The following AGK variants were observed in gnomAD, a reference collection of about 807,000 sequenced individuals.
AGK encodes the protein acylglycerol kinase, mitochondrial.
AGK carries 52 observed loss-of-function variants against 66.4 expected under a neutral mutation model. That is an observed-to-expected ratio of 0.78 (90% CI 0.63 to 0.99). AGK has a LOEUF of 0.99. AGK is among the 50% of genes least tolerant of loss of function. The probability of loss-of-function intolerance (pLI) is 0.00; values close to 1 mark genes in which losing one functional copy is unlikely to be tolerated. For synonymous variants in AGK, 182 were observed against 181.1 expected (o/e 1.00, Z -0.04); for missense variants, 451 against 506.6 (o/e 0.89, Z 1.05).
At chr7:141,579,713 A>C (rs1444553481) in intron 2 of AGK, among the ~76,000 whole-genome samples, 1 of 152,006 alleles carries the variant, frequency 6.6e-6, no homozygotes, top group Non-Finnish European at 1.5e-5. Context: ...ATGGAAAGGA[A>C]ATGAGAGGTT....
At chr7:141,638,482 T>G (rs1797221097) in intron 11 of AGK, among the ~76,000 whole-genome samples, 1 of 152,056 alleles carries the variant, frequency 6.6e-6, no homozygotes, top group South Asian at 2.1e-4. Flanking sequence ...AGCAGAGGCA[T>G]GAAATGAGCA....
In AGK at chr7:141,654,929, A is replaced by AAAAC. The variant is rs1479124632; in HGVS notation, c.*2007_*2010dup. The AAAAC allele has an allele frequency of 1.2e-3, 178 of 152,366 alleles. 1 individual carries two copies. Among genetic ancestry groups the AAAAC allele is most frequent in the African/African-American group, 4.1e-3 (170 of 41,584 alleles). The allele number at this position is 152,366 out of a possible 1,614,324, so 9.4% of individuals were successfully genotyped here. On this transcript the variant is annotated 3_prime_UTR_variant, in exon 16 of 16. Coordinates refer to ENST00000649286, the MANE Select transcript of AGK (RefSeq NM_018238.4). Reference sequence around the variant, plus strand: ...GGTGGTAAAATTTCTGCTTTTGGCAAAAACATAACAGACGGTTCCAAACAT... The same window carrying AAAAC: ...GGTGGTAAAATTTCTGCTTTTGGCAAAAACAAACATAACAGACGGTTCCAAACAT...
At chr7:141,580,328 C>T (rs2116895982) in intron 2 of AGK, among the ~76,000 whole-genome samples, 1 of 152,032 alleles carries the variant, frequency 6.6e-6, no homozygotes, top group Non-Finnish European at 1.5e-5. Flanking sequence ...CCTGCCTTTG[C>T]TGGTGAGTGG....
chr7:141,653,147 T>G lies in AGK; in HGVS notation c.*223T>G, dbSNP rs1256155793. 2 of 518,652 alleles carry G rather than the reference T, an allele frequency of 3.9e-6. No homozygotes were observed. The highest frequency in any genetic ancestry group is 6.3e-5 in the Admixed American group (2 of 31,678). 32.1% of individuals were successfully genotyped at this position (518,652 alleles called of 1,614,324 possible). On this transcript the variant is annotated 3_prime_UTR_variant, in exon 16 of 16. Transcript: ENST00000649286. Reference sequence around the variant, plus strand: ...GCATGTTTTATTTTGGTGTGACGGTTGGCCCTCCTAAACACGGACTTTCCT... The same window carrying G: ...GCATGTTTTATTTTGGTGTGACGGTGGGCCCTCCTAAACACGGACTTTCCT...
intron 2 of AGK, among the ~76,000 whole-genome samples, chr7:141,590,126 A>G (rs975701226): frequency 3.9e-5 from 6 of 152,168 alleles, no homozygotes; most frequent in African/African-American, 1.2e-4. Context: ...GAACTTAGGG[A>G]AAAAAATGAT....
intron 8 of AGK, chr7:141,615,992 C>G (rs950060694): frequency 6.3e-6 from 1 of 159,140 alleles, no homozygotes; most frequent in Non-Finnish European, 1.4e-5. Flanking sequence ...ATAGCTAAAA[C>G]AAGTAAATAT....
Position 141,641,845 on chromosome 7 carries a change from A to G in AGK, c.912A>G (p.Lys304=), listed in dbSNP as rs1346436489. The change falls in exon 13 of 16, where the codon AAA becomes AAG. Residue 304 remains lysine, a synonymous_variant. Coordinates refer to ENST00000649286, the MANE Select transcript of AGK (RefSeq NM_018238.4). ...AAGAGGTGAGCCCGGAGGTCTGGAA[A>G]GATGTGCAGCTGTCCACCATTGAAC... ...LSQEVSPEVW[K]DVQLSTIELS... is the part of the protein sequence containing the mutation. 6.3e-7 allele frequency: 1 copy of G among 1,586,590 alleles called. No individual in the cohort carries two copies. Among genetic ancestry groups the G allele is most frequent in the African/African-American group, 1.3e-5 (1 of 74,812 alleles).
chr7:141,636,949 T>A lies in AGK; in HGVS notation c.669-11T>A, dbSNP rs1797184932. On this transcript the variant is annotated splice_polypyrimidine_tract_variant and intron_variant, in intron 10 of 15. Transcript: ENST00000649286. ...TATTCTTATCAGATTTTTATCTTGG[T>A]CTTTTCACAGGTACTGGTATCTTGG... The A allele has an allele frequency of 6.2e-7, 1 of 1,610,136 alleles. No homozygotes were observed. Among genetic ancestry groups the A allele is most frequent in the East Asian group, 2.2e-5 (1 of 44,802 alleles).
chr7:141,556,550 A>C (rs1441549327), intron 2 of AGK, among the ~76,000 whole-genome samples: 1 of 151,886 alleles, frequency 6.6e-6, no homozygotes, highest in Non-Finnish European at 1.5e-5. Context: ...CAAAAAAAAA[A>C]AAAAAAATAA....
At chr7:141,609,843 A>G (rs141419074) in intron 5 of AGK, among the ~76,000 whole-genome samples, 8 of 152,354 alleles carry the variant, frequency 5.3e-5, no homozygotes, top group African/African-American at 1.9e-4. Flanking sequence ...GGGCCTTGCC[A>G]TGAATAACAA....
intron 2 of AGK, among the ~76,000 whole-genome samples, chr7:141,592,271 A>G (rs1310056677): frequency 6.6e-6 from 1 of 152,196 alleles, no homozygotes; most frequent in Non-Finnish European, 1.5e-5. Flanking sequence ...TTCCTTCTGG[A>G]GGCTCTAGGG....
rs1043612735 is a variant in AGK at position 141,654,303 on chromosome 7, C to T, written c.*1379C>T. On this transcript the variant is annotated 3_prime_UTR_variant, in exon 16 of 16. Transcript: ENST00000649286. ...TAATTAGTTCATTTATCCAAGAATA[C>T]ATGAATGTGATTTACAGCTGAGATG... The T allele has an allele frequency of 6.6e-6, 1 of 152,120 alleles. No homozygotes were observed. Among genetic ancestry groups the T allele is most frequent in the Admixed American group, 6.5e-5 (1 of 15,282 alleles). 9.4% of individuals were successfully genotyped at this position (152,120 alleles called of 1,614,324 possible). A position where few individuals can be genotyped will look rare whatever the true frequency, so the allele number is the denominator to read the frequency against.
Position 141,611,050 on chromosome 7 carries a change from A to AG in AGK, c.298-144dup, listed in dbSNP as rs977324742. The AG allele has an allele frequency of 7.5e-6, 4 of 530,088 alleles. No individual in the cohort carries two copies. In the African/African-American group the frequency reaches 7.8e-5, roughly 10 times the overall value. The allele number at this position is 530,088 out of a possible 1,614,324, so 32.8% of individuals were successfully genotyped here. A position where few individuals can be genotyped will look rare whatever the true frequency, so the allele number is the denominator to read the frequency against. On this transcript the variant is annotated intron_variant, in intron 5 of 15. Coordinates refer to ENST00000649286, the MANE Select transcript of AGK (RefSeq NM_018238.4). ...AACGACTATACATAATTGCTTTGAT[A>AG]GCTATTTTTTTCATGTCTATCAGTT...
intron 2 of AGK, among the ~76,000 whole-genome samples, chr7:141,577,538 CA>C: frequency 6.6e-6 from 1 of 151,988 alleles, no homozygotes; most frequent in Non-Finnish European, 1.5e-5. Flanking sequence ...ATTTATTGGG[CA>C]AAAAGGCAAA....
At chr7:141,569,009 A>G (rs1049850874) in intron 2 of AGK, among the ~76,000 whole-genome samples, 1 of 152,220 alleles carries the variant, frequency 6.6e-6, no homozygotes, top group Non-Finnish European at 1.5e-5. Context: ...TACTGTAGCA[A>G]TGGTCCTGGT....
At chr7:141,569,534 A>AAAAAT (rs1270517778) in intron 2 of AGK, among the ~76,000 whole-genome samples, 1 of 152,158 alleles carries the variant, frequency 6.6e-6, no homozygotes, top group Non-Finnish European at 1.5e-5. Context: ...ACTCTGTCTC[A>AAAAAT]AAAATAAAAT....
At chr7:141,594,588 CT>C (rs1796190817) in intron 3 of AGK, among the ~76,000 whole-genome samples, 1 of 152,164 alleles carries the variant, frequency 6.6e-6, no homozygotes, top group African/African-American at 2.4e-5. Flanking sequence ...TCTAAATTCT[CT>C]CTCCTCATAC....
chr7:141,650,499 C>T (rs927543992), intron 14 of AGK: 62 of 985,282 alleles, frequency 6.3e-5, no homozygotes, highest in Non-Finnish European at 7.1e-5. Flanking sequence ...ATGTCTGTTT[C>T]CTCTGGATAT....
rs755469922 is a variant in AGK, at chr7:141,621,727, T to C, written c.519-5T>C. The C allele has an allele frequency of 2.7e-5, 43 of 1,609,576 alleles. No homozygotes were observed. The highest frequency in any genetic ancestry group is 1.8e-5 in the Non-Finnish European group (21 of 1,176,516). The stretch of plus-strand genomic sequence containing the variant: ...ATAATATGATCATTTCCTTTTCTCT[T>C]TTAGACATATTACTGATGCCACACT... On this transcript the variant is annotated splice_region_variant and splice_polypyrimidine_tract_variant and intron_variant, in intron 8 of 15. Transcript: ENST00000649286.
Sources: gnomAD v4.1 joint callset for allele counts (sites outside exome capture counted in the v4.1 genomes callset) on GRCh38, gnomAD v4.1.1 for gene constraint, MANE v1.5 for transcripts, NCBI Gene and HGNC (gene_info 2026-07-23, HGNC 2026-07-21) for gene names.